The following STAG1 variants were observed in gnomAD, a reference collection of about 807,000 sequenced individuals.
STAG1 encodes STAG1 cohesin complex component.
STAG1 carries 26 observed loss-of-function variants against 170.9 expected under a neutral mutation model. That is an observed-to-expected ratio of 0.15 (90% CI 0.11 to 0.21). STAG1 has a LOEUF of 0.21. Ranked by LOEUF, STAG1 falls within the 10% of genes least tolerant of loss-of-function variation. The probability of loss-of-function intolerance (pLI) is 1.00; values close to 1 mark genes in which losing one functional copy is unlikely to be tolerated. For synonymous variants in STAG1, 514 were observed against 497.7 expected, an observed-to-expected ratio of 1.03 and a Z score of -0.44; for missense variants, 964 against 1,509.5, an observed-to-expected ratio of 0.64 and a Z score of 5.99.
At chr3:136,401,861 C>T (rs760785626) in intron 21 of STAG1, among the ~76,000 whole-genome samples, 5 of 152,070 alleles carry the variant, frequency 3.3e-5, no homozygotes, top group African/African-American at 4.8e-5. Flanking sequence ...TCTCCTGCCT[C>T]AGCCTCCTGA....
chr3:136,609,428 TAC>T (rs1021399773), intron 3 of STAG1: 15 of 148,260 alleles, frequency 1.0e-4, no homozygotes, highest in African/African-American at 3.0e-4. Flanking sequence ...TATATATATA[TAC>T]ACACACACAT....
intron 5 of STAG1, among the ~76,000 whole-genome samples, chr3:136,553,059 A>C (rs937516669): frequency 2.0e-5 from 3 of 152,190 alleles, no homozygotes; most frequent in African/African-American, 7.2e-5. Context: ...TATCAGATAG[A>C]GATTAGAAAA....
At chr3:136,514,604 C>T (rs984111031) in intron 7 of STAG1, among the ~76,000 whole-genome samples, 2 of 152,138 alleles carry the variant, frequency 1.3e-5, no homozygotes, top group Non-Finnish European at 1.5e-5. Context: ...TATAAAGACA[C>T]ATGCATACGT....
At chr3:136,536,007 A>T (rs1183261122) in intron 6 of STAG1, among the ~76,000 whole-genome samples, 2 of 152,242 alleles carry the variant, frequency 1.3e-5, no homozygotes, top group Non-Finnish European at 2.9e-5. Context: ...TTTAAAACGG[A>T]AAGATAAAAA....
rs1263956757 is a variant in STAG1 at position 136,630,873 on chromosome 3, A to G, written c.26T>C (p.Leu9Ser). Residue 9 changes from leucine (L) to serine (S), a missense_variant, in exon 2 of 34, where the codon TTA becomes TCA. Physicochemically the swap from Leu to Ser is moderately radical, Grantham distance 145. Coordinates refer to ENST00000383202, the MANE Select transcript of STAG1 (RefSeq NM_005862.3). ...AAAAGAAAATTACAATACTTACTGT[A>G]ACACTGGTAATTCTGAAGTAATCAT... The part of the protein sequence containing the change: MITSELPV[L>S]QDSTNETTAH... 2 of 1,557,148 alleles carry G rather than the reference A, an allele frequency of 1.3e-6. No individual in the cohort carries two copies. The highest frequency in any genetic ancestry group is 2.4e-5 in the East Asian group (1 of 41,350).
chr3:136,427,489 A>ATGTGG, intron 16 of STAG1, among the ~76,000 whole-genome samples: 1 of 152,172 alleles, frequency 6.6e-6, no homozygotes, highest in South Asian at 2.1e-4. Context: ...AACCTTGAAT[A>ATGTGG]ACATTATGGG....
intron 22 of STAG1, among the ~76,000 whole-genome samples, chr3:136,395,400 A>T (rs1321171256): frequency 6.6e-6 from 1 of 152,162 alleles, no homozygotes; most frequent in Non-Finnish European, 1.5e-5. Flanking sequence ...AGGTGGGTGG[A>T]TCACTTGAGG....
At chr3:136,437,207 T>A (rs1032979912) in intron 15 of STAG1, among the ~76,000 whole-genome samples, 1 of 152,246 alleles carries the variant, frequency 6.6e-6, no homozygotes, top group East Asian at 1.9e-4. Context: ...TTCACAGTAG[T>A]GTTGAAGCTT....
At chr3:136,449,104 T>A (rs947858583) in intron 14 of STAG1, among the ~76,000 whole-genome samples, 1 of 152,218 alleles carries the variant, frequency 6.6e-6, no homozygotes, top group Admixed American at 6.5e-5. Flanking sequence ...TAAGCATTCA[T>A]CCTAGGTGTA....
intron 9 of STAG1, among the ~76,000 whole-genome samples, chr3:136,492,440 A>C (rs2090141210): frequency 6.6e-6 from 1 of 152,246 alleles, no homozygotes; most frequent in African/African-American, 2.4e-5. Context: ...AGACTGACAG[A>C]AAATCATAAA....
At chr3:136,500,169 A>T in intron 9 of STAG1, 54 bp downstream of exon 9, 3 of 1,207,458 alleles carry the variant, frequency 2.5e-6, no homozygotes, top group Non-Finnish European at 3.6e-6. Context: ...CCACAAAAAA[A>T]ATCAATAATT....
At chr3:136,626,792 T>G (rs1461511517) in intron 2 of STAG1, among the ~76,000 whole-genome samples, 1 of 152,232 alleles carries the variant, frequency 6.6e-6, no homozygotes, top group East Asian at 1.9e-4. Context: ...GCATGTTATC[T>G]TCCTGATTTT....
At chr3:136,559,702 A>G (rs1262391993) in intron 5 of STAG1, among the ~76,000 whole-genome samples, 2 of 152,252 alleles carry the variant, frequency 1.3e-5, no homozygotes, top group Non-Finnish European at 2.9e-5. Flanking sequence ...TACCACAGGA[A>G]CTATTAGCAT....
At chr3:136,741,615 C>A (rs1934674595) in intron 1 of STAG1, among the ~76,000 whole-genome samples, 1 of 152,004 alleles carries the variant, frequency 6.6e-6, no homozygotes, top group South Asian at 2.1e-4. Flanking sequence ...ATTACAGGCG[C>A]CCACCACAAT....
intron 1 of STAG1, among the ~76,000 whole-genome samples, chr3:136,739,223 A>C (rs1934517288): frequency 6.6e-6 from 1 of 152,180 alleles, no homozygotes; most frequent in Non-Finnish European, 1.5e-5. Context: ...TTAATTTCAA[A>C]CACTACACAC....
At position 136,705,833 on chromosome 3, in the gene STAG1, T is replaced by C. The variant is rs145020407; in HGVS notation, c.-84+46362A>G. On this transcript the variant is annotated intron_variant, in intron 1 of 33. Coordinates refer to ENST00000383202, the MANE Select transcript of STAG1 (RefSeq NM_005862.3). ...AGTGTGAGAATGAACTAATACAACA[T>C]ATTATCAGGCTAAAAAACAAACAAA... Among the ~76,000 whole-genome samples, 6 of 152,150 alleles carry C rather than the reference T, an allele frequency of 3.9e-5. No individual in the cohort carries two copies. The East Asian group carries it at 1.2e-3, about 29-fold the overall frequency.
chr3:136,624,053 G>C (rs752787014), intron 2 of STAG1, among the ~76,000 whole-genome samples: 1 of 151,396 alleles, frequency 6.6e-6, no homozygotes, highest in Non-Finnish European at 1.5e-5. Flanking sequence ...CCACATAACC[G>C]ATTCTCACAA....
At chr3:136,418,927 C>T (rs1036026913) in intron 20 of STAG1, among the ~76,000 whole-genome samples, 5 of 152,234 alleles carry the variant, frequency 3.3e-5, no homozygotes, top group Middle Eastern at 6.8e-3. Context: ...AGGTGTGAGC[C>T]ACCGCGTCAG....
chr3:136,465,423 G>C (rs981764274), intron 12 of STAG1, among the ~76,000 whole-genome samples: 1 of 151,534 alleles, frequency 6.6e-6, no homozygotes, highest in Non-Finnish European at 1.5e-5. Context: ...GTTTCGTCAT[G>C]TTAGGCAGAC....
Sources: gnomAD v4.1 joint callset for allele counts (sites outside exome capture counted in the v4.1 genomes callset) on GRCh38, gnomAD v4.1.1 for gene constraint, MANE v1.5 for transcripts, NCBI Gene and HGNC (gene_info 2026-07-23, HGNC 2026-07-21) for gene names.